CDH2: variants seen among roughly 807,000 people sequenced by gnomAD.
The protein encoded by CDH2 is cadherin-2.
CDH2 carries 17 observed loss-of-function variants against 92.0 expected under a neutral mutation model. The ratio of observed to expected loss-of-function variants is 0.18; its 90% CI spans 0.13 to 0.28. CDH2 has a LOEUF of 0.28. CDH2 is among the 10% of genes least tolerant of loss of function. The pLI is 1.00. For synonymous variants in CDH2, 419 were observed against 415.9 expected, an observed-to-expected ratio of 1.01 and a Z score of -0.09; for missense variants, 862 against 1,133.1, an observed-to-expected ratio of 0.76 and a Z score of 3.44.
chr18:28,060,657 A>G (rs888354394), intron 2 of CDH2, among the ~76,000 whole-genome samples: 7 of 152,168 alleles, frequency 4.6e-5, no homozygotes, highest in African/African-American at 1.7e-4. Flanking sequence ...CTCATCTTCA[A>G]TTAGTAACCT....
intron 2 of CDH2, among the ~76,000 whole-genome samples, chr18:28,123,584 G>A (rs1203216546): frequency 6.6e-6 from 1 of 152,130 alleles, no homozygotes; most frequent in African/African-American, 2.4e-5. Flanking sequence ...GGGTTCAAAT[G>A]CATTGCTCCA....
chr18:28,037,496 C>A (rs72631812), intron 2 of CDH2, among the ~76,000 whole-genome samples: 1 of 152,086 alleles, frequency 6.6e-6, no homozygotes. Context: ...TGGGAAGCAG[C>A]GAGAAAACTT....
rs1255432762 is a variant in CDH2 at position 27,951,216 on chromosome 18, T to C, written c.*937A>G. 2 of 148,098 alleles carry C rather than the reference T, an allele frequency of 1.4e-5. No homozygotes were observed. The highest frequency in any genetic ancestry group is 2.5e-5 in the African/African-American group (1 of 40,278). 9.2% of individuals were successfully genotyped at this position (148,098 alleles called of 1,614,324 possible). ...AAAACATTTGTGCTAAGAACTTTTCTCCCTCCCCAAACCAAAAAGAAAATA... is the reference window on the plus strand; with the variant it reads ...AAAACATTTGTGCTAAGAACTTTTCCCCCTCCCCAAACCAAAAAGAAAATA... On this transcript the variant is annotated 3_prime_UTR_variant, in exon 16 of 16. Coordinates refer to ENST00000269141, the MANE Select transcript of CDH2 (RefSeq NM_001792.5).
At chr18:27,996,681 C>T (rs763712950) in intron 7 of CDH2, among the ~76,000 whole-genome samples, 1 of 152,080 alleles carries the variant, frequency 6.6e-6, no homozygotes, top group Non-Finnish European at 1.5e-5. Context: ...ACACACGTGT[C>T]CCAAGGGCCC....
At chr18:27,979,731 T>C (rs1444284544) in intron 14 of CDH2, among the ~76,000 whole-genome samples, 2 of 149,760 alleles carry the variant, frequency 1.3e-5, no homozygotes, top group East Asian at 2.1e-4. Flanking sequence ...TTGATATCCA[T>C]TTACATAAAA....
intron 2 of CDH2, among the ~76,000 whole-genome samples, chr18:28,037,700 G>A (rs2013863332): frequency 6.6e-6 from 1 of 152,170 alleles, no homozygotes; most frequent in South Asian, 2.1e-4. Context: ...AATTGGATAT[G>A]GGCAAACTTA....
At chr18:28,110,697 C>A (rs1413614531) in intron 2 of CDH2, among the ~76,000 whole-genome samples, 1 of 152,056 alleles carries the variant, frequency 6.6e-6, no homozygotes, top group East Asian at 1.9e-4. Flanking sequence ...ATCGTGAAAT[C>A]AATGCATACT....
At position 27,959,047 on chromosome 18, in the gene CDH2, G is replaced by A. The variant is rs560672933; in HGVS notation, c.2514+4310C>T. 1.1e-3 allele frequency among the ~76,000 whole-genome samples: 164 copies of A among 152,042 alleles called. 1 individual carries two copies. Among genetic ancestry groups the A allele is most frequent in the African/African-American group, 3.8e-3 (156 of 41,410 alleles). On this transcript the variant is annotated intron_variant, in intron 15 of 15. Transcript: ENST00000269141. ...GCAGCGTGAAAACAGAAAAATACAC[G>A]TATATATATAAAGAAGTTTATTTCT...
intron 4 of CDH2, among the ~76,000 whole-genome samples, chr18:28,010,746 T>C (rs751650491): frequency 6.6e-6 from 1 of 151,642 alleles, no homozygotes; most frequent in African/African-American, 2.4e-5. Context: ...CTCGGCTCAC[T>C]GCAAGCTCCA....
chr18:28,140,897 T>C (rs1191910606), intron 2 of CDH2, among the ~76,000 whole-genome samples: 2 of 148,208 alleles, frequency 1.3e-5, no homozygotes, highest in Non-Finnish European at 3.0e-5. Flanking sequence ...CCAAACAAGA[T>C]ATATATATAT....
At chr18:28,158,022 A>G (rs910695736) in intron 1 of CDH2, among the ~76,000 whole-genome samples, 2 of 152,176 alleles carry the variant, frequency 1.3e-5, no homozygotes, top group Non-Finnish European at 2.9e-5. Flanking sequence ...CCCTGTATTC[A>G]TGTACAATTA....
At chr18:28,119,731 C>T (rs945324898) in intron 2 of CDH2, among the ~76,000 whole-genome samples, 1 of 152,108 alleles carries the variant, frequency 6.6e-6, no homozygotes, top group Non-Finnish European at 1.5e-5. Context: ...CATACTGCCA[C>T]TCACAATAAA....
chr18:28,074,732 G>A (rs1334443836), intron 2 of CDH2, among the ~76,000 whole-genome samples: 1 of 132,220 alleles, frequency 7.6e-6, no homozygotes, highest in South Asian at 2.6e-4. Flanking sequence ...ATTCATCTTT[G>A]TTGAACAGCT....
At position 28,147,554 on chromosome 18, in the gene CDH2, T is replaced by C. The variant is rs1598507877; in HGVS notation, c.172+119A>G. On this transcript the variant is annotated intron_variant, in intron 2 of 15. Transcript: ENST00000269141. ...AAATAAAGTCCCTACAGTCTCATCA[T>C]AGTGATTGTGAAAAATTCATACTTG... 7 of 577,504 alleles carry C rather than the reference T, an allele frequency of 1.2e-5. No individual in the cohort carries two copies. The Admixed American group carries it at 2.3e-4, about 19-fold the overall frequency. 35.8% of individuals were successfully genotyped at this position (577,504 alleles called of 1,614,324 possible).
chr18:28,005,878 T>C lies in CDH2; in HGVS notation c.818A>G (p.Asn273Ser), dbSNP rs758876499. 2.5e-6 allele frequency: 4 copies of C among 1,613,482 alleles called. No individual in the cohort carries two copies. In the South Asian group the frequency reaches 4.4e-5, roughly 18 times the overall value. The change falls in exon 6 of 16, where the codon AAT becomes AGT. Residue 273 changes from asparagine (N) to serine (S), a missense_variant. Physicochemically the swap from Asn to Ser is conservative, Grantham distance 46. This residue lies in a region of CDH2 where 564 missense variants were observed against 722.2 expected (regional missense o/e 0.78). Coordinates refer to ENST00000269141, the MANE Select transcript of CDH2 (RefSeq NM_001792.5). The stretch of plus-strand genomic sequence containing the variant: ...CTTTGATCCCTCAGGAACTGTCCCA[T>C]TCCAAACCTGGTGTAAGAACTCAGG... The part of the protein sequence containing the change: ...NRPEFLHQVW[N>S]GTVPEGSKPG...
intron 2 of CDH2, among the ~76,000 whole-genome samples, chr18:28,142,501 A>C (rs1048529898): frequency 5.3e-5 from 8 of 151,890 alleles, no homozygotes; most frequent in Admixed American, 5.3e-4. Context: ...AAAAAAAAAA[A>C]CAAGAAGGAT....
At chr18:27,956,640 A>T (rs1215217188) in intron 15 of CDH2, among the ~76,000 whole-genome samples, 1 of 152,112 alleles carries the variant, frequency 6.6e-6, no homozygotes, top group Non-Finnish European at 1.5e-5. Flanking sequence ...CTTCTTTCCT[A>T]CAAACTATTG....
intron 2 of CDH2, among the ~76,000 whole-genome samples, chr18:28,066,211 G>A (rs2014503785): frequency 6.6e-6 from 1 of 151,920 alleles, no homozygotes; most frequent in Admixed American, 6.6e-5. Context: ...ATTGCACACA[G>A]GAAGAAGAAA....
At chr18:28,007,156 T>TAAAAC (rs1555632724) in intron 5 of CDH2, among the ~76,000 whole-genome samples, 4 of 106,678 alleles carry the variant, frequency 3.7e-5, no homozygotes, top group South Asian at 3.3e-4. Flanking sequence ...TGAGACTCCA[T>TAAAAC]AAAAAAAAAA....
Sources: gnomAD v4.1 joint callset for allele counts (sites outside exome capture counted in the v4.1 genomes callset) on GRCh38, gnomAD v4.1.1 for gene constraint, gnomAD v4.1.1 regional missense constraint, MANE v1.5 for transcripts, NCBI Gene and HGNC (gene_info 2026-07-23, HGNC 2026-07-21) for gene names.